GNAL: variants seen among roughly 807,000 people sequenced by gnomAD.
The protein encoded by GNAL is guanine nucleotide-binding protein G(olf) subunit alpha.
GNAL carries 18 observed loss-of-function variants against 55.1 expected under a neutral mutation model. That is an observed-to-expected ratio of 0.33 (90% CI 0.23 to 0.48). The LOEUF is 0.48. Ranked by LOEUF, GNAL falls within the 20% of genes least tolerant of loss-of-function variation. GNAL has a pLI of 0.99. For missense variants in GNAL, 412 were observed against 614.1 expected (o/e 0.67, Z 3.48); for synonymous variants, 253 against 237.0 (o/e 1.07, Z -0.62).
At chr18:11,869,131 ATATTTTTTTTTAT>A (rs1181453848) in intron 9 of GNAL, among the ~76,000 whole-genome samples, 2 of 145,500 alleles carry the variant, frequency 1.4e-5, no homozygotes, top group Non-Finnish European at 1.5e-5. Flanking sequence ...AAAATGTGGA[ATATTTTTTTTTAT>A]TATTTTTTTT....
At position 11,868,609 on chromosome 18, in the gene GNAL, A is replaced by C. The variant is rs1311397788; in HGVS notation, c.977A>C (p.Asn326Thr). ...SYNMVIREDN[N>T]TNRLRESLDL... The stretch of plus-strand genomic sequence containing the variant: ...AACATGGTGATTCGAGAAGATAACA[A>C]CACCAACAGGCTGAGAGAGTCCCTG... Residue 326 changes from asparagine to threonine, a missense_variant, in exon 9 of 12, where the codon AAC becomes ACC. By Grantham distance (65) the Asn-to-Thr change is moderately conservative (BLOSUM62 0). This residue lies in a region of GNAL where 53 missense variants were observed against 182.7 expected (regional missense o/e 0.29). Transcript: ENST00000334049. The surrounding 1 kb of genome is among the most constrained non-coding windows in gnomAD (Gnocchi z 4.0). 12 of 1,612,236 alleles carry C rather than the reference A, an allele frequency of 7.4e-6. No individual in the cohort carries two copies. Among genetic ancestry groups the C allele is most frequent in the Non-Finnish European group, 1.0e-5 (12 of 1,178,644 alleles).
At chr18:11,779,596 G>A (rs2033875324) in intron 4 of GNAL, among the ~76,000 whole-genome samples, 1 of 152,194 alleles carries the variant, frequency 6.6e-6, no homozygotes, top group African/African-American at 2.4e-5. Flanking sequence ...CAAACAATCA[G>A]ATCTAATAGT....
Position 11,704,616 on chromosome 18 carries a change from C to G in GNAL, c.376+14677C>G, listed in dbSNP as rs1313486750. Reference sequence around the variant, plus strand: ...CCAGTTTCCAGACCCAGCCACGCAGCCTACTCTGGGGTCTTTGGACTCCGT... The same window carrying G: ...CCAGTTTCCAGACCCAGCCACGCAGGCTACTCTGGGGTCTTTGGACTCCGT... On this transcript the variant is annotated intron_variant, in intron 1 of 11. Transcript: ENST00000334049. Among the ~76,000 whole-genome samples the G allele has an allele frequency of 2.6e-5, 4 of 152,174 alleles. No homozygotes were observed. The East Asian group carries it at 7.7e-4, about 29-fold the overall frequency.
In GNAL at chr18:11,869,729, A is replaced by C. The variant is rs567523232; in HGVS notation, c.1031+1066A>C. 6.6e-5 allele frequency among the ~76,000 whole-genome samples: 10 copies of C among 152,230 alleles called. No homozygotes were observed. In the South Asian group the frequency reaches 2.1e-3, roughly 32 times the overall value. On this transcript the variant is annotated intron_variant, in intron 9 of 11. Transcript: ENST00000334049. Reference sequence around the variant, plus strand: ...GGAATTGGAGACCAGTCTGGGCAACATGTTGAAACCCTGTCTCTACAAAAA... The same window carrying C: ...GGAATTGGAGACCAGTCTGGGCAACCTGTTGAAACCCTGTCTCTACAAAAA...
intron 4 of GNAL, among the ~76,000 whole-genome samples, chr18:11,802,474 C>G (rs1281995319): frequency 1.3e-5 from 2 of 152,172 alleles, no homozygotes; most frequent in Non-Finnish European, 2.9e-5. Flanking sequence ...TCACCATACT[C>G]TTGAGACCAG....
At chr18:11,789,118 G>C (rs2034158755) in intron 4 of GNAL, among the ~76,000 whole-genome samples, 1 of 151,412 alleles carries the variant, frequency 6.6e-6, no homozygotes, top group African/African-American at 2.4e-5. Flanking sequence ...GTTTTCTTGG[G>C]CCTCCTTCAT....
intron 10 of GNAL, chr18:11,874,042 C>G (rs990624998): frequency 6.6e-6 from 1 of 152,490 alleles, no homozygotes; most frequent in Non-Finnish European, 1.5e-5. Context: ...CACAACCTTA[C>G]CTGCTTAGGA....
chr18:11,834,826 C>A (rs189751571), intron 5 of GNAL, among the ~76,000 whole-genome samples: 33 of 152,316 alleles, frequency 2.2e-4, no homozygotes, highest in African/African-American at 5.5e-4. Flanking sequence ...ATATTTATAG[C>A]GTTGGGTTAT....
intron 4 of GNAL, among the ~76,000 whole-genome samples, chr18:11,799,083 A>G (rs2034457447): frequency 6.6e-6 from 1 of 152,074 alleles, no homozygotes; most frequent in South Asian, 2.1e-4. Flanking sequence ...ACTGCACTCC[A>G]GCCTGGGCAA....
At chr18:11,809,585 T>C (rs1159340250) in intron 4 of GNAL, among the ~76,000 whole-genome samples, 1 of 151,990 alleles carries the variant, frequency 6.6e-6, no homozygotes, top group Non-Finnish European at 1.5e-5. Context: ...CTACAAAAAT[T>C]AGCAAGGCAT....
At chr18:11,852,023 G>T in intron 5 of GNAL, 1 of 1,613,814 alleles carries the variant, frequency 6.2e-7, no homozygotes, top group Non-Finnish European at 8.5e-7. Context: ...CTGCCGCAGG[G>T]CCAGACCGGC....
rs1480384509 is a variant in GNAL at position 11,751,291 on chromosome 18, A to G, written c.377-1562A>G. Among the ~76,000 whole-genome samples, 1 of 152,122 alleles carries G rather than the reference A, an allele frequency of 6.6e-6. No homozygotes were observed. The highest frequency in any genetic ancestry group is 1.5e-5 in the Non-Finnish European group (1 of 68,026). ...GCTCTGGCCCTATTGGAGGGGTCTC[A>G]GTAACGGAGGGCAGGTGCCAGTCTC... is the stretch of plus-strand genomic sequence containing the variant. On this transcript the variant is annotated intron_variant, in intron 1 of 11. Transcript: ENST00000334049. This position sits in a 1 kb window ranked among gnomAD's most constrained non-coding sequence, Gnocchi z 4.5.
chr18:11,805,880 G>A (rs2034645267), intron 4 of GNAL, among the ~76,000 whole-genome samples: 1 of 152,146 alleles, frequency 6.6e-6, no homozygotes, highest in African/African-American at 2.4e-5. Flanking sequence ...TGAGATTGCA[G>A]GATAGAATGG....
chr18:11,826,445 G>A (rs73944914), intron 5 of GNAL, among the ~76,000 whole-genome samples: 4,298 of 152,196 alleles, frequency 0.028, 176 homozygotes, highest in African/African-American at 0.086. Context: ...AGGGAGGTCA[G>A]TGGGGCCAGA....
At chr18:11,691,448 G>A (rs58543658) in intron 1 of GNAL, among the ~76,000 whole-genome samples, 24,614 of 146,744 alleles carry the variant, frequency 0.17, 3,466 homozygotes, top group African/African-American at 0.42. Context: ...TTGCTGTGCA[G>A]AAGCTCTTTA....
At chr18:11,810,059 C>T (rs2034768795) in intron 4 of GNAL, among the ~76,000 whole-genome samples, 1 of 152,182 alleles carries the variant, frequency 6.6e-6, no homozygotes, top group Non-Finnish European at 1.5e-5. Flanking sequence ...TTCCCCAGAG[C>T]TAGGGGCTGC....
chr18:11,878,962 T>C (rs1310837446), intron 11 of GNAL, among the ~76,000 whole-genome samples: 1 of 100,994 alleles, frequency 9.9e-6, no homozygotes, highest in East Asian at 2.5e-4. Flanking sequence ...TATAACTGGT[T>C]GGAGGAGTGG....
At chr18:11,736,555 A>G (rs1471229444) in intron 1 of GNAL, among the ~76,000 whole-genome samples, 1 of 152,208 alleles carries the variant, frequency 6.6e-6, no homozygotes, top group Non-Finnish European at 1.5e-5. Context: ...CCCTGTTTGC[A>G]GAAGGTGCTT....
At chr18:11,729,844 C>T (rs1306189301) in intron 1 of GNAL, among the ~76,000 whole-genome samples, 1 of 152,156 alleles carries the variant, frequency 6.6e-6, no homozygotes, top group African/African-American at 2.4e-5. Flanking sequence ...AGTTGGGTTA[C>T]AGCTTGATTT....
Sources: allele counts gnomAD v4.1 joint callset (sites outside exome capture counted in the v4.1 genomes callset), GRCh38; gene constraint gnomAD v4.1.1; regional missense constraint gnomAD v4.1.1; non-coding constraint Gnocchi (gnomAD v3.1); transcripts MANE v1.5; gene names NCBI Gene and HGNC (gene_info 2026-07-23, HGNC 2026-07-21).